Variants in SLC35D4 observed in about 807,000 individuals in gnomAD.
SLC35D4 encodes UDP-N-acetylglucosamine transporter SLC35D4.
At chr18:23,251,093 T>C in the SLC35D4 span, among the ~76,000 whole-genome samples, 4 of 152,220 alleles carry the variant, frequency 2.6e-5, no homozygotes, top group Admixed American at 6.5e-5. Context: ...GCATGAGTCA[T>C]CCAGGGAATC....
the SLC35D4 span, among the ~76,000 whole-genome samples, chr18:23,239,616 T>C: frequency 6.6e-6 from 1 of 152,172 alleles, no homozygotes; most frequent in Non-Finnish European, 1.5e-5. Context: ...TTGCTTTATT[T>C]TTGTGTGTTG....
the SLC35D4 span, among the ~76,000 whole-genome samples, chr18:23,376,093 G>A: frequency 5.9e-5 from 9 of 152,150 alleles, no homozygotes; most frequent in Admixed American, 5.9e-4. Flanking sequence ...GATCAAAGGC[G>A]TGAACAAAAG....
the SLC35D4 span, among the ~76,000 whole-genome samples, chr18:23,429,156 G>A: frequency 3.9e-5 from 6 of 152,282 alleles, no homozygotes; most frequent in South Asian, 6.2e-4. Flanking sequence ...TAAAATACAC[G>A]TGAGTGTAGG....
chr18:23,249,173 A>T, the SLC35D4 span, among the ~76,000 whole-genome samples: 1 of 152,248 alleles, frequency 6.6e-6, no homozygotes, highest in African/African-American at 2.4e-5. Flanking sequence ...CTGCCTTCAC[A>T]TATCAGAGCA....
chr18:23,437,752 A>C, the SLC35D4 span: 5 of 1,603,872 alleles, frequency 3.1e-6, no homozygotes, highest in Non-Finnish European at 4.3e-6. Context: ...CCCACGTGCA[A>C]TCGCTGCCTC....
chr18:23,285,301 C>A, the SLC35D4 span, among the ~76,000 whole-genome samples: 3 of 151,994 alleles, frequency 2.0e-5, no homozygotes, highest in Admixed American at 1.3e-4. Context: ...CTATAGGCAA[C>A]CTTCCACCTT....
At chr18:23,367,475 G>A in the SLC35D4 span, among the ~76,000 whole-genome samples, 4 of 152,132 alleles carry the variant, frequency 2.6e-5, no homozygotes, top group Non-Finnish European at 4.4e-5. Context: ...GCTGGGGGAC[G>A]GGAGGGGTTT....
At chr18:23,395,509 G>A in the SLC35D4 span, among the ~76,000 whole-genome samples, 2 of 152,192 alleles carry the variant, frequency 1.3e-5, no homozygotes, top group African/African-American at 4.8e-5. Context: ...TTCCTGTCCT[G>A]TCAAGGTGCC....
chr18:23,385,156 C>T, the SLC35D4 span: 36 of 1,313,488 alleles, frequency 2.7e-5, no homozygotes, highest in Non-Finnish European at 3.6e-5. Context: ...AAATAAAGAG[C>T]TGTGGAAACT....
chr18:23,291,776 G>A, the SLC35D4 span, among the ~76,000 whole-genome samples: 3 of 152,222 alleles, frequency 2.0e-5, no homozygotes, highest in African/African-American at 4.8e-5. Flanking sequence ...GTAAGTCGCA[G>A]AGCCAGCCCA....
At chr18:23,424,115 T>A in the SLC35D4 span, among the ~76,000 whole-genome samples, 1 of 151,914 alleles carries the variant, frequency 6.6e-6, no homozygotes, top group African/African-American at 2.4e-5. Context: ...ATTGGAGAGA[T>A]GACAATGGCC....
the SLC35D4 span, among the ~76,000 whole-genome samples, chr18:23,415,507 ATTAC>A: frequency 6.6e-6 from 1 of 152,226 alleles, no homozygotes; most frequent in Non-Finnish European, 1.5e-5. Flanking sequence ...CTCCAATGAA[ATTAC>A]ACCTGAGCCT....
At chr18:23,244,952 TTATCCGCCCTAGAGCGGAAG>T in the SLC35D4 span, among the ~76,000 whole-genome samples, 3 of 152,236 alleles carry the variant, frequency 2.0e-5, no homozygotes, top group African/African-American at 7.2e-5. Context: ...GGCCGGAGCT[TTATCCGCCCTAGAGCGGAAG>T]TACCTTTTCT....
the SLC35D4 span, among the ~76,000 whole-genome samples, chr18:23,346,791 G>T: frequency 6.6e-6 from 1 of 152,158 alleles, no homozygotes; most frequent in East Asian, 1.9e-4. Context: ...ATGTATTTTT[G>T]TTCTTTAGTC....
chr18:23,401,921 C>T, the SLC35D4 span, among the ~76,000 whole-genome samples: 1 of 152,228 alleles, frequency 6.6e-6, no homozygotes, highest in Middle Eastern at 3.2e-3. Context: ...AAGAGATACA[C>T]AGGACTAGTA....
the SLC35D4 span, among the ~76,000 whole-genome samples, chr18:23,279,821 A>T: frequency 2.6e-5 from 4 of 152,118 alleles, no homozygotes; most frequent in Non-Finnish European, 5.9e-5. Context: ...TTAATATCTC[A>T]CACACACACA....
chr18:23,298,815 T>C, the SLC35D4 span, among the ~76,000 whole-genome samples: 1 of 152,268 alleles, frequency 6.6e-6, no homozygotes, highest in East Asian at 1.9e-4. Context: ...GGGCCCCTTT[T>C]TCAGAGGTGC....
At chr18:23,343,658 T>C in the SLC35D4 span, among the ~76,000 whole-genome samples, 2 of 152,326 alleles carry the variant, frequency 1.3e-5, no homozygotes, top group African/African-American at 4.8e-5. Flanking sequence ...ATTATTTCAT[T>C]ACCCAGGTAA....
chr18:23,239,899 C>T, the SLC35D4 span, among the ~76,000 whole-genome samples: 1 of 152,194 alleles, frequency 6.6e-6, no homozygotes, highest in Non-Finnish European at 1.5e-5. Flanking sequence ...AGGTGGATCA[C>T]CTGAGGTCAG....
Sources: allele counts gnomAD v4.1 joint callset (sites outside exome capture counted in the v4.1 genomes callset), GRCh38; gene constraint gnomAD v4.1.1; transcripts MANE v1.5; gene names NCBI Gene and HGNC (gene_info 2026-07-23, HGNC 2026-07-21).